The following TMPO variants were observed in gnomAD, a reference collection of about 807,000 sequenced individuals.
TMPO encodes thymopoietin, also known as LEM domain containing 4.
TMPO carries 22 observed loss-of-function variants against 45.4 expected under a neutral mutation model. The observed-to-expected ratio is 0.48, with a 90% CI of 0.35 to 0.69. The LOEUF is 0.69. Among genes scored for constraint, TMPO ranks in the 30% least tolerant of loss-of-function variants. The pLI, the probability that TMPO is intolerant of heterozygous loss-of-function variation, is 0.01. For missense variants in TMPO, 512 were observed against 548.8 expected, an observed-to-expected ratio of 0.93 and a Z score of 0.67; for synonymous variants, 241 against 204.1, an observed-to-expected ratio of 1.18 and a Z score of -1.54.
intron 1 of TMPO, among the ~76,000 whole-genome samples, chr12:98,525,019 T>A (rs1285160751): frequency 6.6e-6 from 1 of 152,240 alleles, no homozygotes; most frequent in East Asian, 1.9e-4. Context: ...TTGAACCTGA[T>A]TGATTGTTTT....
In TMPO at chr12:98,531,787, A is replaced by G; in HGVS notation, c.514A>G (p.Thr172Ala). 1.9e-6 allele frequency: 3 copies of G among 1,613,962 alleles called. No individual in the cohort carries two copies. The highest frequency in any genetic ancestry group is 2.5e-6 in the Non-Finnish European group (3 of 1,179,902). ...AACAATTTCTTCTTCAGCAGAAAATACAAGGCAGAATGGAAGTAATGATTC... is the reference window on the plus strand; with the variant it reads ...AACAATTTCTTCTTCAGCAGAAAATGCAAGGCAGAATGGAAGTAATGATTC... ...LPTISSSAEN[T>A]RQNGSNDSDR... The change falls in exon 3 of 9, where the codon ACA (threonine) becomes GCA (alanine). Residue 172 changes from threonine to alanine, a missense_variant. Thr to Ala is a moderately conservative substitution (Grantham distance 58). Coordinates refer to ENST00000556029, the MANE Select transcript of TMPO (RefSeq NM_001032283.3).
Position 98,544,638 on chromosome 12 carries a change from GT to G in TMPO, c.879+113del, listed in dbSNP as rs34340378. The G allele has an allele frequency of 0.015, 11,193 of 749,696 alleles. 86 individuals are homozygous for G. The highest frequency in any genetic ancestry group is 0.058 in the African/African-American group (3,188 of 54,516). 46.4% of individuals were successfully genotyped at this position (749,696 alleles called of 1,614,324 possible). ...ATTTTGGCAAATCTCAAATTTACAT[GT>G]TTTTTTTTTTTAACAATTTTAAACT... On this transcript the variant is annotated intron_variant, in intron 6 of 8. Coordinates refer to ENST00000556029, the MANE Select transcript of TMPO (RefSeq NM_001032283.3).
At chr12:98,534,489 T>C in intron 3 of TMPO, 1 of 1,478,296 alleles carries the variant, frequency 6.8e-7, no homozygotes, top group Non-Finnish European at 8.9e-7. Flanking sequence ...ATAAAAGTAA[T>C]TGCCTGTGTA....
chr12:98,545,085 A>G, intron 7 of TMPO, 24 bp downstream of exon 7: 1 of 1,355,686 alleles, frequency 7.4e-7, no homozygotes. Context: ...ATTTAGATCG[A>G]TGCTATCATT....
chr12:98,538,426 A>G (rs1458806142), intron 4 of TMPO, among the ~76,000 whole-genome samples: 1 of 152,064 alleles, frequency 6.6e-6, no homozygotes, highest in Non-Finnish European at 1.5e-5. Flanking sequence ...ATCCCATCTC[A>G]TTGCAACCTC....
At chr12:98,518,022 T>C (rs1435668827) in intron 1 of TMPO, among the ~76,000 whole-genome samples, 1 of 151,846 alleles carries the variant, frequency 6.6e-6, no homozygotes, top group African/African-American at 2.4e-5. Context: ...ATACAAAAAT[T>C]AGCCGTGCCT....
intron 3 of TMPO, chr12:98,534,677 C>A: frequency 8.9e-7 from 1 of 1,123,264 alleles, no homozygotes; most frequent in Non-Finnish European, 1.1e-6. Flanking sequence ...ATTTACTGTT[C>A]AATAGAATAA....
At chr12:98,534,441 A>C (rs1397832467) in intron 3 of TMPO, 2 of 1,580,300 alleles carry the variant, frequency 1.3e-6, no homozygotes, top group African/African-American at 2.7e-5. Context: ...GATAGGGCTA[A>C]TTACAAAATG....
At position 98,533,872 on chromosome 12, in the gene TMPO, G is replaced by T. The variant is rs1300265705; in HGVS notation, c.565+2034G>T. Reference sequence around the variant, plus strand: ...ATTATCAGTTCCAAAAGTAGATGATGAAATCCTAGGGTTTATTTCTGAAGC... The same window carrying T: ...ATTATCAGTTCCAAAAGTAGATGATTAAATCCTAGGGTTTATTTCTGAAGC... On this transcript the variant is annotated intron_variant, in intron 3 of 8. Transcript: ENST00000556029. 3 of 1,614,178 alleles carry T rather than the reference G, an allele frequency of 1.9e-6. No individual in the cohort carries two copies. In the South Asian group the frequency reaches 3.3e-5, roughly 18 times the overall value.
intron 1 of TMPO, 160 bp from the exon 2 acceptor site, chr12:98,527,726 C>T: frequency 1.4e-6 from 1 of 715,400 alleles, no homozygotes; most frequent in Non-Finnish European, 2.3e-6. Flanking sequence ...AGAAAGTGTT[C>T]TCCAATAATG....
rs553103093 is a variant in TMPO, at chr12:98,545,227, G to C, written c.990+166G>C. On this transcript the variant is annotated intron_variant, in intron 7 of 8. Coordinates refer to ENST00000556029, the MANE Select transcript of TMPO (RefSeq NM_001032283.3). ...AATTATTTTAAGGACACTTTTATTAGTGAAAACAGAAATTAACTAATATAG... is the reference window on the plus strand; with the variant it reads ...AATTATTTTAAGGACACTTTTATTACTGAAAACAGAAATTAACTAATATAG... 2.9e-3 allele frequency among the ~76,000 whole-genome samples: 426 copies of C among 146,082 alleles called. 2 individuals are homozygous for C. The highest frequency in any genetic ancestry group is 2.8e-3 in the Non-Finnish European group (187 of 66,950).
At chr12:98,521,217 C>T (rs1053353575) in intron 1 of TMPO, among the ~76,000 whole-genome samples, 3 of 149,122 alleles carry the variant, frequency 2.0e-5, no homozygotes, top group African/African-American at 7.4e-5. Flanking sequence ...ACGCCATTCT[C>T]CTGCCTCAGC....
chr12:98,516,492 G>C, intron 1 of TMPO: 1 of 1,096,892 alleles, frequency 9.1e-7, no homozygotes, highest in Non-Finnish European at 1.1e-6. Context: ...CGAAAGCTCT[G>C]GAGGGGTGGC....
chr12:98,531,744 A>G lies in TMPO; in HGVS notation c.471A>G (p.Arg157=), dbSNP rs1480715662. 52 of 1,613,654 alleles carry G rather than the reference A, an allele frequency of 3.2e-5. No homozygotes were observed. The highest frequency in any genetic ancestry group is 3.4e-5 in the Non-Finnish European group (40 of 1,179,928). The change falls in exon 3 of 9, where the codon AGA becomes AGG. Residue 157 remains arginine (R), a synonymous_variant. Transcript: ENST00000556029. ...TGAGGGAACAAGGAACAGAATCAAGATCTTCTACTCCTCTGCCAACAATTT... is the reference window on the plus strand; with the variant it reads ...TGAGGGAACAAGGAACAGAATCAAGGTCTTCTACTCCTCTGCCAACAATTT... ...LKLREQGTES[R]SSTPLPTISS...
chr12:98,534,868 A>G (rs11109520), intron 3 of TMPO: 287,991 of 993,892 alleles, frequency 0.29, 44,486 homozygotes, highest in Non-Finnish European at 0.32. Context: ...CATCAATCAT[A>G]GTAGTCTAGA....
chr12:98,533,037 C>T lies in TMPO; in HGVS notation c.565+1199C>T, dbSNP rs2121203040. ...CTAGGGAGCCTCTTGTTGCCACAAA[C>T]TTGCCTGGCAGGGGACAGTTGCAGA... On this transcript the variant is annotated intron_variant, in intron 3 of 8. Transcript: ENST00000556029. The T allele has an allele frequency of 6.2e-7, 1 of 1,613,618 alleles. No homozygotes were observed. Among genetic ancestry groups the T allele is most frequent in the Non-Finnish European group, 8.5e-7 (1 of 1,179,700 alleles).
intron 1 of TMPO, among the ~76,000 whole-genome samples, chr12:98,526,619 C>G (rs773807107): frequency 2.0e-5 from 3 of 152,040 alleles, no homozygotes; most frequent in Non-Finnish European, 4.4e-5. Context: ...AATGGAGAGC[C>G]AACTGTATTC....
At chr12:98,539,471 C>CTTTTTTT (rs398039980) in intron 4 of TMPO, among the ~76,000 whole-genome samples, 3 of 123,470 alleles carry the variant, frequency 2.4e-5, no homozygotes, top group East Asian at 2.4e-4. Flanking sequence ...TTTTAAATTA[C>CTTTTTTT]TTTTTTTTTT....
Position 98,548,097 on chromosome 12 carries a change from C to CT in TMPO, c.*244dup. 2.5e-6 allele frequency: 1 copy of CT among 401,620 alleles called. No individual in the cohort carries two copies. The highest frequency in any genetic ancestry group is 4.2e-5 in the South Asian group (1 of 24,016). The allele number at this position is 401,620 out of a possible 1,614,324, so 24.9% of individuals were successfully genotyped here. ...TGAATAATCTTTTTTAGCTCTGGAA[C>CT]TTTTTGTAGGCTTTATTTTTTTAAT... On this transcript the variant is annotated 3_prime_UTR_variant, in exon 9 of 9. Transcript: ENST00000556029.
Sources: allele counts gnomAD v4.1 joint callset (sites outside exome capture counted in the v4.1 genomes callset), GRCh38; gene constraint gnomAD v4.1.1; transcripts MANE v1.5; gene names NCBI Gene and HGNC (gene_info 2026-07-23, HGNC 2026-07-21).